Variants in SCFD2 observed in about 807,000 individuals in gnomAD.
SCFD2 encodes sec1 family domain containing 2.
Under a neutral mutation model 58.9 loss-of-function variants are expected in SCFD2, and 54 were observed. The observed-to-expected ratio is 0.92, with a 90% CI of 0.74 to 1.15. SCFD2 has a LOEUF of 1.15. SCFD2 is among the 50% of genes most tolerant of loss of function. The pLI is 0.00. For missense variants in SCFD2, 805 were observed against 836.6 expected (o/e 0.96, Z 0.47); for synonymous variants, 321 against 335.9 (o/e 0.96, Z 0.49).
chr4:53,064,413 CT>C (rs1723599138), intron 5 of SCFD2, among the ~76,000 whole-genome samples: 1 of 126,116 alleles, frequency 7.9e-6, no homozygotes, highest in South Asian at 2.7e-4. Flanking sequence ...TGCAAATGAC[CT>C]TTAGGCAATT....
chr4:53,316,218 T>G (rs1732858433), intron 2 of SCFD2, among the ~76,000 whole-genome samples: 1 of 152,220 alleles, frequency 6.6e-6, no homozygotes. Flanking sequence ...TGTTTCCATG[T>G]TTATTTGTTG....
intron 5 of SCFD2, among the ~76,000 whole-genome samples, chr4:53,107,440 TAA>T (rs1432568182): frequency 4.6e-5 from 7 of 152,158 alleles, no homozygotes; most frequent in African/African-American, 9.7e-5. Context: ...GCAAATTGGA[TAA>T]AGAGTCAAGA....
intron 4 of SCFD2, among the ~76,000 whole-genome samples, chr4:53,163,886 C>T (rs1166222937): frequency 6.6e-6 from 1 of 152,174 alleles, no homozygotes; most frequent in Non-Finnish European, 1.5e-5. Context: ...CAGAAATTAA[C>T]TGAAGGATAC....
intron 4 of SCFD2, among the ~76,000 whole-genome samples, chr4:53,252,848 A>G (rs1310029236): frequency 2.0e-5 from 3 of 152,204 alleles, no homozygotes; most frequent in Non-Finnish European, 4.4e-5. Context: ...CATGTCTAAA[A>G]CACCAAAAGC....
At chr4:52,963,347 A>G (rs1265230480) in intron 5 of SCFD2, among the ~76,000 whole-genome samples, 2 of 152,184 alleles carry the variant, frequency 1.3e-5, no homozygotes, top group Non-Finnish European at 2.9e-5. Flanking sequence ...TCCTGGGGTC[A>G]CTCACCCTAC....
chr4:52,910,068 T>C (rs1017496671), intron 6 of SCFD2, among the ~76,000 whole-genome samples: 7 of 152,230 alleles, frequency 4.6e-5, no homozygotes, highest in African/African-American at 1.7e-4. Flanking sequence ...AATTGACCTC[T>C]TCCTTGGTAA....
At chr4:53,148,996 T>TA (rs201738716) in intron 4 of SCFD2, among the ~76,000 whole-genome samples, 38 of 152,382 alleles carry the variant, frequency 2.5e-4, no homozygotes, top group African/African-American at 8.9e-4. Context: ...ACCCTGTCTC[T>TA]AAAAAAATTT....
intron 5 of SCFD2, among the ~76,000 whole-genome samples, chr4:52,926,283 T>C (rs943516126): frequency 6.6e-6 from 1 of 152,000 alleles, no homozygotes; most frequent in African/African-American, 2.4e-5. Context: ...GGTTCATTAC[T>C]TAGGTATTTA....
At chr4:53,247,862 C>T (rs552092632) in intron 4 of SCFD2, among the ~76,000 whole-genome samples, 132 of 82,922 alleles carry the variant, frequency 1.6e-3, no homozygotes, top group Non-Finnish European at 2.4e-3. Context: ...AGCGAGACTC[C>T]GTCTCAAAAA....
intron 5 of SCFD2, among the ~76,000 whole-genome samples, chr4:52,974,806 T>TGGTACC (rs1721207123): frequency 1.3e-5 from 2 of 152,078 alleles, no homozygotes; most frequent in African/African-American, 4.8e-5. Context: ...AGCATGGTAC[T>TGGTACC]GGTACCAAAA....
At chr4:52,904,848 T>C (rs1322868473) in intron 7 of SCFD2, among the ~76,000 whole-genome samples, 2 of 152,208 alleles carry the variant, frequency 1.3e-5, no homozygotes, top group African/African-American at 2.4e-5. Context: ...TGTGTGCTCT[T>C]AGGAAAACGC....
intron 5 of SCFD2, among the ~76,000 whole-genome samples, chr4:53,085,094 A>G (rs1029638713): frequency 2.0e-5 from 3 of 152,214 alleles, no homozygotes; most frequent in African/African-American, 7.2e-5. Context: ...AAGAAGTCAA[A>G]TTATCCTTGT....
Position 52,954,389 on chromosome 4 carries a change from C to T in SCFD2, c.1562-33519G>A, listed in dbSNP as rs144354203. 5.3e-3 allele frequency among the ~76,000 whole-genome samples: 805 copies of T among 152,322 alleles called. 12 individuals carry two copies. The highest frequency in any genetic ancestry group is 0.018 in the African/African-American group (762 of 41,574). On this transcript the variant is annotated intron_variant, in intron 5 of 8. Transcript: ENST00000401642. Reference sequence around the variant, plus strand: ...AGGTGAGGAAGATGATAGAAGATTACAGGCACTCAGTTCCAAAGATGGAAT... The same window carrying T: ...AGGTGAGGAAGATGATAGAAGATTATAGGCACTCAGTTCCAAAGATGGAAT...
At chr4:53,049,538 C>T (rs1723131548) in intron 5 of SCFD2, among the ~76,000 whole-genome samples, 1 of 152,114 alleles carries the variant, frequency 6.6e-6, no homozygotes, top group African/African-American at 2.4e-5. Flanking sequence ...GGATTCAAAC[C>T]CAGGCAGTCT....
At chr4:53,074,902 G>A (rs1036314503) in intron 5 of SCFD2, among the ~76,000 whole-genome samples, 17 of 152,098 alleles carry the variant, frequency 1.1e-4, no homozygotes, top group Non-Finnish European at 7.4e-5. Flanking sequence ...CATTTGCTTC[G>A]AGTGAAAGTC....
chr4:53,310,654 G>A (rs1732662170), intron 3 of SCFD2, among the ~76,000 whole-genome samples: 2 of 152,266 alleles, frequency 1.3e-5, no homozygotes, highest in Admixed American at 1.3e-4. Context: ...TTAATAACAA[G>A]CTCTCAGAAG....
At chr4:53,251,618 A>G (rs368152845) in intron 4 of SCFD2, among the ~76,000 whole-genome samples, 3 of 152,180 alleles carry the variant, frequency 2.0e-5, no homozygotes, top group Admixed American at 6.5e-5. Flanking sequence ...TATAAACAGA[A>G]CCAAAGAAAA....
intron 2 of SCFD2, among the ~76,000 whole-genome samples, chr4:53,335,767 A>C (rs191948655): frequency 2.0e-5 from 3 of 152,342 alleles, no homozygotes; most frequent in South Asian, 2.1e-4. Flanking sequence ...AGCAGCTAAA[A>C]TATAAAAGTT....
intron 5 of SCFD2, among the ~76,000 whole-genome samples, chr4:53,023,957 G>T (rs550141592): frequency 6.6e-6 from 1 of 152,132 alleles, no homozygotes; most frequent in South Asian, 2.1e-4. Flanking sequence ...GTGGTGGAGG[G>T]AAGCCCTACT....
Sources: allele counts gnomAD v4.1 joint callset (sites outside exome capture counted in the v4.1 genomes callset), GRCh38; gene constraint gnomAD v4.1.1; transcripts MANE v1.5; gene names NCBI Gene and HGNC (gene_info 2026-07-23, HGNC 2026-07-21).